Variants in DNAH14 observed in about 807,000 individuals in gnomAD.
DNAH14 encodes dynein axonemal heavy chain 14.
DNAH14 carries 478 observed loss-of-function variants against 520.9 expected under a neutral mutation model. That is an observed-to-expected ratio of 0.92 (90% CI 0.85 to 0.99). The LOEUF (loss-of-function observed/expected upper bound fraction) is 0.99, where lower values mean the gene tolerates loss of function less well. Among genes scored for constraint, DNAH14 ranks in the 50% least tolerant of loss-of-function variants. DNAH14 has a pLI of 0.00. For missense variants in DNAH14, 4,831 were observed against 5,234.5 expected (o/e 0.92, Z 2.38); for synonymous variants, 1,581 against 1,757.2 (o/e 0.90, Z 2.51).
intron 38 of DNAH14, among the ~76,000 whole-genome samples, chr1:225,202,634 T>C (rs1559277109): frequency 1.3e-5 from 2 of 152,164 alleles, no homozygotes; most frequent in South Asian, 4.1e-4. Context: ...CAAAAGCAAG[T>C]AGGGCTTTCA....
At chr1:225,390,088 C>T (rs961408625) in intron 83 of DNAH14, among the ~76,000 whole-genome samples, 2 of 152,122 alleles carry the variant, frequency 1.3e-5, no homozygotes, top group Non-Finnish European at 2.9e-5. Context: ...ATCCACCCAC[C>T]CCTATCAGAT....
intron 66 of DNAH14, among the ~76,000 whole-genome samples, chr1:225,334,051 T>G (rs1352261036): frequency 1.3e-5 from 2 of 152,212 alleles, no homozygotes; most frequent in East Asian, 3.8e-4. Context: ...AAACAAATAC[T>G]GTCTTCACAT....
chr1:225,337,967 TA>T, intron 67 of DNAH14, 93 bp from the exon 68 acceptor site: 2 of 1,303,148 alleles, frequency 1.5e-6, no homozygotes, highest in Middle Eastern at 2.6e-4. Flanking sequence ...TCATTCTTTC[TA>T]ACTCAACCTT....
chr1:225,058,243 C>T (rs1272344675), intron 17 of DNAH14, among the ~76,000 whole-genome samples: 1 of 152,100 alleles, frequency 6.6e-6, no homozygotes, highest in Non-Finnish European at 1.5e-5. Flanking sequence ...TCAACTTCTT[C>T]CTGGTTTAGT....
intron 41 of DNAH14, among the ~76,000 whole-genome samples, chr1:225,214,854 A>G (rs2089052466): frequency 6.6e-6 from 1 of 152,084 alleles, no homozygotes; most frequent in Admixed American, 6.5e-5. Context: ...TTTTCAAAAA[A>G]CCAGCTCCTG....
chr1:225,313,534 G>C (rs1159510161), intron 60 of DNAH14, among the ~76,000 whole-genome samples: 4 of 152,096 alleles, frequency 2.6e-5, no homozygotes, highest in Non-Finnish European at 5.9e-5. Context: ...TGTGATGTTA[G>C]GGTGTTGATT....
rs1192786748 is a variant in DNAH14, at chr1:225,265,213, T to G, written c.7254T>G (p.Thr2418=). The G allele has an allele frequency of 2.7e-6, 4 of 1,501,754 alleles. No individual in the cohort carries two copies. 93.0% of individuals were successfully genotyped at this position (1,501,754 alleles called of 1,614,324 possible). ...DNPTKKPEVR[T]NKKLLKNNDH... ...CCACTAAAAAGCCAGAAGTTAGAACTAATAAAAAGTTACTTAAAAATAATG... is the reference window on the plus strand; with the variant it reads ...CCACTAAAAAGCCAGAAGTTAGAACGAATAAAAAGTTACTTAAAAATAATG... Residue 2418 remains threonine (T), a synonymous_variant, in exon 48 of 86, where the codon ACT becomes ACG. Transcript: ENST00000682510.
intron 78 of DNAH14, among the ~76,000 whole-genome samples, chr1:225,375,185 G>A (rs2095681289): frequency 6.6e-6 from 1 of 152,116 alleles, no homozygotes; most frequent in Non-Finnish European, 1.5e-5. Context: ...CTTGATATAT[G>A]TTTCTCATTT....
At chr1:225,097,437 A>C (rs2075085685) in intron 22 of DNAH14, among the ~76,000 whole-genome samples, 198 bp downstream of exon 22, 2 of 152,140 alleles carry the variant, frequency 1.3e-5, no homozygotes, top group African/African-American at 4.8e-5. Context: ...TTATTACTTG[A>C]CTATTGGTAT....
chr1:225,316,606 G>A (rs567412899), intron 60 of DNAH14, among the ~76,000 whole-genome samples: 1 of 152,286 alleles, frequency 6.6e-6, no homozygotes, highest in East Asian at 1.9e-4. Context: ...CTACTGGAGG[G>A]AGTTCCCTGA....
chr1:225,384,486 C>T (rs1257258589), intron 81 of DNAH14, among the ~76,000 whole-genome samples: 4 of 151,680 alleles, frequency 2.6e-5, no homozygotes, highest in Non-Finnish European at 4.4e-5. Context: ...GCTATCAAGA[C>T]TAATAAAAAA....
At chr1:225,186,792 T>A (rs1388200792) in intron 37 of DNAH14, among the ~76,000 whole-genome samples, 3 of 151,858 alleles carry the variant, frequency 2.0e-5, no homozygotes, top group African/African-American at 7.2e-5. Flanking sequence ...TACTGTATTC[T>A]GTATATATGA....
At chr1:224,974,242 T>C in intron 8 of DNAH14, 89 bp downstream of exon 8, 1 of 840,126 alleles carries the variant, frequency 1.2e-6, no homozygotes, top group Non-Finnish European at 1.7e-6. Flanking sequence ...TTCATTTTCA[T>C]TCAGTGATTA....
intron 58 of DNAH14, among the ~76,000 whole-genome samples, chr1:225,305,385 C>T (rs755454226): frequency 2.6e-5 from 4 of 152,182 alleles, no homozygotes; most frequent in Non-Finnish European, 4.4e-5. Context: ...AAGAGTGCCA[C>T]TCCCCATGTC....
intron 17 of DNAH14, among the ~76,000 whole-genome samples, chr1:225,077,017 A>T (rs1355997085): frequency 1.3e-5 from 2 of 152,140 alleles, no homozygotes; most frequent in African/African-American, 4.8e-5. Flanking sequence ...CATCATTCTC[A>T]GCAAACTATC....
At chr1:225,251,210 G>C (rs2092536708) in intron 43 of DNAH14, among the ~76,000 whole-genome samples, 1 of 148,176 alleles carries the variant, frequency 6.7e-6, no homozygotes, top group South Asian at 2.1e-4. Flanking sequence ...TCTTGCTCTT[G>C]TCACCCAGGC....
At chr1:225,318,389 A>G (rs1327727920) in intron 60 of DNAH14, among the ~76,000 whole-genome samples, 194 bp from the exon 61 acceptor site, 1 of 152,238 alleles carries the variant, frequency 6.6e-6, no homozygotes, top group African/African-American at 2.4e-5. Flanking sequence ...GGATTGAATC[A>G]TACACATTTT....
chr1:225,001,209 C>T (rs80023439), intron 8 of DNAH14, among the ~76,000 whole-genome samples: 6,344 of 152,054 alleles, frequency 0.042, 219 homozygotes, highest in Non-Finnish European at 0.061. Context: ...GGGAACTTAC[C>T]ACCATGTCAT....
At chr1:225,371,657 C>T (rs1465801455) in intron 77 of DNAH14, among the ~76,000 whole-genome samples, 1 of 151,950 alleles carries the variant, frequency 6.6e-6, no homozygotes, top group South Asian at 2.1e-4. Flanking sequence ...AATTGTACGT[C>T]TAGAAAACCT....
Sources: gnomAD v4.1 joint callset for allele counts (sites outside exome capture counted in the v4.1 genomes callset) on GRCh38, gnomAD v4.1.1 for gene constraint, MANE v1.5 for transcripts, NCBI Gene and HGNC (gene_info 2026-07-23, HGNC 2026-07-21) for gene names.